Variants in PPP2R5B observed in about 807,000 individuals in gnomAD.
PPP2R5B encodes serine/threonine-protein phosphatase 2A 56 kDa regulatory subunit beta isoform.
Under a neutral mutation model 59.9 loss-of-function variants are expected in PPP2R5B, and 19 were observed. The ratio of observed to expected loss-of-function variants is 0.32; its 90% CI spans 0.22 to 0.47. The LOEUF is 0.47. Ranked by LOEUF, PPP2R5B falls within the 20% of genes least tolerant of loss-of-function variation. The probability of loss-of-function intolerance (pLI) is 1.00; values close to 1 mark genes in which losing one functional copy is unlikely to be tolerated. For missense variants in PPP2R5B, 441 were observed against 640.2 expected (o/e 0.69, Z 3.36); for synonymous variants, 286 against 260.5 (o/e 1.10, Z -0.94).
chr11:64,923,104 T>C (rs1945125251), upstream of PPP2R5B: 1 of 152,158 alleles, frequency 6.6e-6, no homozygotes. Context: ...AGATTACAGG[T>C]ATGAGCCATC....
At chr11:64,922,718 C>CA (rs949542885), upstream of PPP2R5B, among the ~76,000 whole-genome samples, 6 of 151,634 alleles carry the variant, frequency 4.0e-5, no homozygotes, top group Admixed American at 2.6e-4. Flanking sequence ...ACTAAAAATA[C>CA]AAAAAAACTA....
At chr11:64,933,505 G>A (rs1023550138) in intron 13 of PPP2R5B, among the ~76,000 whole-genome samples, 192 bp from the exon 14 acceptor site, 2 of 152,206 alleles carry the variant, frequency 1.3e-5, no homozygotes, top group African/African-American at 4.8e-5. Context: ...CATCTTCTCT[G>A]TGACTGCAGG....
rs1270875858 is a variant in PPP2R5B at position 64,931,948 on chromosome 11, C to A, written c.1116+80C>A. 1.3e-6 allele frequency: 2 copies of A among 1,549,750 alleles called. No homozygotes were observed. Among genetic ancestry groups the A allele is most frequent in the Non-Finnish European group, 1.7e-6 (2 of 1,148,798 alleles). On this transcript the variant is annotated intron_variant, in intron 11 of 13. Coordinates refer to ENST00000164133, the MANE Select transcript of PPP2R5B (RefSeq NM_006244.4). This position sits in a 1 kb window ranked among gnomAD's most constrained non-coding sequence, Gnocchi z 5.0. ...AGCTGACCTAATAAAGCTCCCTTTG[C>A]CCTCAGTTTCTCCTCCAATCCCGGG...
rs947018182 is a variant in PPP2R5B at position 64,925,997 on chromosome 11, G to C, written c.199+64G>C. ...GAGGGGACCAGCAGGGCCATGGGGA[G>C]GGGTGGGAGGCAGCGGGCAGCTGCC... is the stretch of plus-strand genomic sequence containing the variant. On this transcript the variant is annotated intron_variant, in intron 2 of 13. Transcript: ENST00000164133. The surrounding 1 kb of genome is among the most constrained non-coding windows in gnomAD (Gnocchi z 4.6). 172 of 1,504,892 alleles carry C rather than the reference G, an allele frequency of 1.1e-4. No individual in the cohort carries two copies. The highest frequency in any genetic ancestry group is 1.4e-4 in the Non-Finnish European group (155 of 1,107,770). 93.2% of individuals were successfully genotyped at this position (1,504,892 alleles called of 1,614,324 possible). A position where few individuals can be genotyped will look rare whatever the true frequency, so the allele number is the denominator to read the frequency against.
At chr11:64,928,501 G>A in intron 6 of PPP2R5B, 76 bp downstream of exon 6, 5 of 1,597,168 alleles carry the variant, frequency 3.1e-6, no homozygotes, top group Non-Finnish European at 4.3e-6. Context: ...CAAAGGCCAT[G>A]TGCGGTGGCT....
intron 1 of PPP2R5B, among the ~76,000 whole-genome samples, chr11:64,918,048 G>A (rs1945058037): frequency 6.6e-6 from 1 of 152,168 alleles, no homozygotes; most frequent in Admixed American, 6.5e-5. Context: ...TCTTTTAAAT[G>A]GTTAGGGGAA....
upstream of PPP2R5B, among the ~76,000 whole-genome samples, chr11:64,921,414 C>T (rs679950): frequency 6.0e-3 from 913 of 152,168 alleles, 4 homozygotes; most frequent in African/African-American, 0.017. Flanking sequence ...TTGCCCAGGC[C>T]GGGGGGCATC....
chr11:64,923,349 T>C (rs545637964), upstream of PPP2R5B, among the ~76,000 whole-genome samples: 12 of 152,298 alleles, frequency 7.9e-5, no homozygotes, highest in African/African-American at 2.6e-4. Flanking sequence ...TCTGTGGGCC[T>C]GCCCTCCCTC....
chr11:64,922,612 C>T (rs1041156199), upstream of PPP2R5B, among the ~76,000 whole-genome samples: 8 of 152,126 alleles, frequency 5.3e-5, no homozygotes, highest in Non-Finnish European at 8.8e-5. Flanking sequence ...CAGTGGCTCA[C>T]GCCTGTAATC....
In PPP2R5B at chr11:64,925,590, G is replaced by C. The variant is rs1358686708; in HGVS notation, c.-145G>C. Reference sequence around the variant, plus strand: ...ACTGGGCAGTTGCAGGAGGCCCTGGGGGGGGGCCCAGGACTGTGGTTGTGC... The same window carrying C: ...ACTGGGCAGTTGCAGGAGGCCCTGGCGGGGGGCCCAGGACTGTGGTTGTGC... On this transcript the variant is annotated 5_prime_UTR_variant, in exon 2 of 14. Coordinates refer to ENST00000164133, the MANE Select transcript of PPP2R5B (RefSeq NM_006244.4). This position sits in a 1 kb window ranked among gnomAD's most constrained non-coding sequence, Gnocchi z 4.6. 8.8e-6 allele frequency: 5 copies of C among 570,742 alleles called. 1 individual carries two copies. The highest frequency in any genetic ancestry group is 1.6e-5 in the Non-Finnish European group (5 of 318,870). The allele number at this position is 570,742 out of a possible 1,614,324, so 35.4% of individuals were successfully genotyped here.
In PPP2R5B at chr11:64,931,704, G is replaced by A. The variant is rs754004852; in HGVS notation, c.997-45G>A. On this transcript the variant is annotated intron_variant, in intron 10 of 13. Coordinates refer to ENST00000164133, the MANE Select transcript of PPP2R5B (RefSeq NM_006244.4). This position sits in a 1 kb window ranked among gnomAD's most constrained non-coding sequence, Gnocchi z 5.0. ...TGTGTGTATGTGTAGGGGGAGATGTGAGCTGCTGCCCCTCTGTCCCTACTC... is the reference window on the plus strand; with the variant it reads ...TGTGTGTATGTGTAGGGGGAGATGTAAGCTGCTGCCCCTCTGTCCCTACTC... 5.0e-6 allele frequency: 8 copies of A among 1,613,956 alleles called. No individual in the cohort carries two copies. Among genetic ancestry groups the A allele is most frequent in the Admixed American group, 3.3e-5 (2 of 60,010 alleles).
At position 64,930,310 on chromosome 11, in the gene PPP2R5B, C is replaced by T. The variant is rs1209267186; in HGVS notation, c.723-12C>T. 6.2e-7 allele frequency: 1 copy of T among 1,613,818 alleles called. No homozygotes were observed. The highest frequency in any genetic ancestry group is 1.3e-5 in the African/African-American group (1 of 74,890). On this transcript the variant is annotated splice_polypyrimidine_tract_variant and intron_variant, in intron 6 of 13. Coordinates refer to ENST00000164133, the MANE Select transcript of PPP2R5B (RefSeq NM_006244.4). ...TGCTTGCTTTGAGCCCACCTGCGTT[C>T]TTCTCTTGCAGGTTCATCTATGAAT...
chr11:64,922,264 G>A (rs562488381), upstream of PPP2R5B, among the ~76,000 whole-genome samples: 1 of 152,084 alleles, frequency 6.6e-6, no homozygotes, highest in East Asian at 1.9e-4. Flanking sequence ...CGAATGGATC[G>A]CTTGAGCTCA....
chr11:64,922,626 G>A (rs932824441), upstream of PPP2R5B, among the ~76,000 whole-genome samples: 1 of 152,138 alleles, frequency 6.6e-6, no homozygotes, highest in Non-Finnish European at 1.5e-5. Context: ...TGTAATCCCA[G>A]CACTTTGGGA....
At chr11:64,932,418 C>G (rs1945236322) in intron 11 of PPP2R5B, among the ~76,000 whole-genome samples, 1 of 152,172 alleles carries the variant, frequency 6.6e-6, no homozygotes, top group Admixed American at 6.5e-5. Context: ...CATTAAACAC[C>G]TAAAAGTCTA....
chr11:64,920,630 G>GTTA (rs1554967899), upstream of PPP2R5B, among the ~76,000 whole-genome samples: 3 of 58,080 alleles, frequency 5.2e-5, no homozygotes, highest in Non-Finnish European at 7.3e-5. Context: ...AGGTCCAGCA[G>GTTA]TTATTTTTTT....
chr11:64,926,718 C>G lies in PPP2R5B; in HGVS notation c.206C>G (p.Pro69Arg). 2 of 1,613,932 alleles carry G rather than the reference C, an allele frequency of 1.2e-6. No homozygotes were observed. The highest frequency in any genetic ancestry group is 8.5e-7 in the Non-Finnish European group (1 of 1,179,928). The change falls in exon 3 of 14, where the codon CCG becomes CGG. Residue 69 changes from proline (P) to arginine (R), a missense_variant. By Grantham distance (103) the Pro-to-Arg change is moderately radical. This residue lies in a region of PPP2R5B where 268 missense variants were observed against 488.1 expected (regional missense o/e 0.55). Coordinates refer to ENST00000164133, the MANE Select transcript of PPP2R5B (RefSeq NM_006244.4). ...LTPLPLLKDV[P>R]ASELHELLSR... The stretch of plus-strand genomic sequence containing the variant: ...GATGCCCTCTCCTCCCCAGATGTGC[C>G]GGCTTCCGAGCTGCACGAGCTGCTG...
chr11:64,934,072 T>C lies in PPP2R5B; in HGVS notation c.*228T>C, dbSNP rs1945259870. ...TGGCAGGACTTGACAAGGGCAAGCT[T>C]GACCAGGAAGCTGCCATCAGGGATC... On this transcript the variant is annotated 3_prime_UTR_variant, in exon 14 of 14. Coordinates refer to ENST00000164133, the MANE Select transcript of PPP2R5B (RefSeq NM_006244.4). 2 of 478,516 alleles carry C rather than the reference T, an allele frequency of 4.2e-6. No homozygotes were observed. The highest frequency in any genetic ancestry group is 7.1e-6 in the Non-Finnish European group (2 of 282,450). The allele number at this position is 478,516 out of a possible 1,614,324, so 29.6% of individuals were successfully genotyped here. A position where few individuals can be genotyped will look rare whatever the true frequency, so the allele number is the denominator to read the frequency against.
In PPP2R5B at chr11:64,927,792, T is replaced by G; in HGVS notation, c.397-10T>G. On this transcript the variant is annotated splice_polypyrimidine_tract_variant and intron_variant, in intron 3 of 13. Transcript: ENST00000164133. ...GCTTTTCCTTAATGAACCCCAACTC[T>G]GCCACTCAGATCTCAGTGAATATCT... 1 of 1,574,694 alleles carries G rather than the reference T, an allele frequency of 6.4e-7. No individual in the cohort carries two copies. The highest frequency in any genetic ancestry group is 8.7e-7 in the Non-Finnish European group (1 of 1,144,350).
Sources: gnomAD v4.1 joint callset for allele counts (sites outside exome capture counted in the v4.1 genomes callset) on GRCh38, gnomAD v4.1.1 for gene constraint, gnomAD v4.1.1 regional missense constraint, Gnocchi (gnomAD v3.1) non-coding constraint, MANE v1.5 for transcripts, NCBI Gene and HGNC (gene_info 2026-07-23, HGNC 2026-07-21) for gene names.